DACH1: variants seen among roughly 807,000 people sequenced by gnomAD.
DACH1 encodes the protein dachshund family transcription factor 1.
A neutral mutation model predicts 54.2 loss-of-function variants in DACH1; 12 were observed. The observed-to-expected ratio is 0.22, with a 90% CI of 0.14 to 0.36. The LOEUF (loss-of-function observed/expected upper bound fraction) is 0.36. Ranked by LOEUF, DACH1 falls within the 10% of genes least tolerant of loss-of-function variation. The probability of loss-of-function intolerance (pLI) is 1.00; values close to 1 mark genes in which losing one functional copy is unlikely to be tolerated. For synonymous variants in DACH1, 386 were observed against 366.2 expected (o/e 1.05, Z -0.62); for missense variants, 805 against 929.8 (o/e 0.87, Z 1.75).
At chr13:71,712,721 T>TC (rs1270775436) in intron 1 of DACH1, among the ~76,000 whole-genome samples, 1 of 152,006 alleles carries the variant, frequency 6.6e-6, no homozygotes, top group South Asian at 2.1e-4. Flanking sequence ...AGTTTACATT[T>TC]CCCCCCTTAA....
intron 3 of DACH1, among the ~76,000 whole-genome samples, chr13:71,589,956 A>G (rs1321639784): frequency 6.6e-6 from 1 of 152,062 alleles, no homozygotes; most frequent in Non-Finnish European, 1.5e-5. Flanking sequence ...TAATATGTAC[A>G]TTTTAAACTA....
intron 6 of DACH1, among the ~76,000 whole-genome samples, chr13:71,533,616 CT>C (rs1252252650): frequency 2.6e-5 from 4 of 151,948 alleles, no homozygotes; most frequent in Non-Finnish European, 5.9e-5. Flanking sequence ...TATAAAACAG[CT>C]TGATATTTTC....
chr13:71,525,357 A>G (rs1415119862), intron 6 of DACH1, among the ~76,000 whole-genome samples: 2 of 152,160 alleles, frequency 1.3e-5, no homozygotes, highest in African/African-American at 4.8e-5. Flanking sequence ...TCTTTTTTAA[A>G]AAAATCCCAC....
chr13:71,508,660 T>C (rs2138251436), intron 6 of DACH1, among the ~76,000 whole-genome samples: 2 of 151,952 alleles, frequency 1.3e-5, no homozygotes, highest in South Asian at 4.2e-4. Flanking sequence ...AGAGACAAGG[T>C]CTCACTATGT....
intron 1 of DACH1, among the ~76,000 whole-genome samples, chr13:71,702,723 C>T (rs1302217061): frequency 3.9e-5 from 6 of 152,074 alleles, no homozygotes; most frequent in Admixed American, 6.6e-5. Flanking sequence ...GCTGCCAAAT[C>T]GAGAGTTAAT....
intron 1 of DACH1, among the ~76,000 whole-genome samples, chr13:71,838,693 T>G (rs1331964358): frequency 6.6e-6 from 1 of 152,188 alleles, no homozygotes; most frequent in African/African-American, 2.4e-5. Flanking sequence ...TCATGACCTC[T>G]CACTTTCTCA....
At chr13:71,820,377 A>T (rs1233382154) in intron 1 of DACH1, among the ~76,000 whole-genome samples, 1 of 152,042 alleles carries the variant, frequency 6.6e-6, no homozygotes, top group Non-Finnish European at 1.5e-5. Context: ...AACCAAGGAG[A>T]TGTGATTGCT....
chr13:71,850,108 G>C (rs1873560937), intron 1 of DACH1, among the ~76,000 whole-genome samples: 1 of 152,120 alleles, frequency 6.6e-6, no homozygotes, highest in Non-Finnish European at 1.5e-5. Flanking sequence ...TAATATGTTG[G>C]GGAAGGATCT....
chr13:71,489,632 A>T (rs1878820370), intron 6 of DACH1, among the ~76,000 whole-genome samples: 2 of 152,150 alleles, frequency 1.3e-5, no homozygotes, highest in Non-Finnish European at 2.9e-5. Flanking sequence ...TTTACAAAAG[A>T]ATGTAAAGTT....
chr13:71,865,837 G>C (rs1256956262), intron 1 of DACH1, 85 bp downstream of exon 1: 1 of 1,351,602 alleles, frequency 7.4e-7, no homozygotes, highest in Non-Finnish European at 9.5e-7. Flanking sequence ...CGCGCAGAGC[G>C]AGCGGCGCCG....
intron 1 of DACH1, among the ~76,000 whole-genome samples, chr13:71,814,081 T>A (rs1887821486): frequency 6.6e-6 from 1 of 152,212 alleles, no homozygotes. Context: ...ACTGGCCTTA[T>A]CTGTTGGCAG....
intron 1 of DACH1, among the ~76,000 whole-genome samples, chr13:71,800,161 A>C (rs1003086234): frequency 6.6e-6 from 1 of 152,070 alleles, no homozygotes; most frequent in Non-Finnish European, 1.5e-5. Context: ...GTTGGACAAG[A>C]CTATCTCTAA....
Position 71,866,735 on chromosome 13 carries a change from TG to T in DACH1, c.34del (p.Gln12SerfsTer182). 1 of 1,432,664 alleles carries T rather than the reference TG, an allele frequency of 7.0e-7. No homozygotes were observed. The highest frequency in any genetic ancestry group is 9.2e-7 in the Non-Finnish European group (1 of 1,084,184). The allele number at this position is 1,432,664 out of a possible 1,614,324, so 88.7% of individuals were successfully genotyped here. A position where few individuals can be genotyped will look rare whatever the true frequency, so the allele number is the denominator to read the frequency against. On this transcript the variant is annotated frameshift_variant, in exon 1 of 11. Coordinates refer to ENST00000613252, the MANE Select transcript of DACH1 (RefSeq NM_080759.6). LOFTEE classifies it high-confidence loss of function. ...AVPAALIPPT[Q>X]LVPPQPPIST... is the part of the protein sequence containing the mutation. ...GATTGGGGGTTGAGGGGGGACCAGC[TG>T]GGTCGGAGGGATCAAAGCCGCCGGC...
chr13:71,504,171 A>AT (rs1201598351), intron 6 of DACH1, among the ~76,000 whole-genome samples: 1 of 152,192 alleles, frequency 6.6e-6, no homozygotes, highest in Non-Finnish European at 1.5e-5. Context: ...TAGCTTTTCA[A>AT]TGTGCTCTAT....
intron 3 of DACH1, among the ~76,000 whole-genome samples, chr13:71,602,184 A>G (rs920066586): frequency 8.6e-5 from 13 of 152,026 alleles, no homozygotes; most frequent in African/African-American, 3.1e-4. Flanking sequence ...AATTTCCTGT[A>G]TATTTTCAAC....
intron 1 of DACH1, among the ~76,000 whole-genome samples, chr13:71,709,217 T>C (rs1882597189): frequency 6.6e-6 from 1 of 152,134 alleles, no homozygotes; most frequent in South Asian, 2.1e-4. Flanking sequence ...TTTTTTAAAA[T>C]ATCAATTCAT....
At chr13:71,640,715 A>G (rs1877832390) in intron 2 of DACH1, among the ~76,000 whole-genome samples, 1 of 152,100 alleles carries the variant, frequency 6.6e-6, no homozygotes, top group Non-Finnish European at 1.5e-5. Context: ...GACTCCACGC[A>G]GGTAGCTCTA....
intron 1 of DACH1, among the ~76,000 whole-genome samples, chr13:71,817,330 G>A (rs1887998688): frequency 2.0e-5 from 3 of 152,138 alleles, no homozygotes; most frequent in Non-Finnish European, 1.5e-5. Context: ...GTAGAGTGCT[G>A]TTACAAGTAC....
intron 1 of DACH1, among the ~76,000 whole-genome samples, chr13:71,742,166 G>T (rs558407683): frequency 6.6e-6 from 1 of 151,784 alleles, no homozygotes; most frequent in Admixed American, 6.6e-5. Flanking sequence ...AGTACCTTTC[G>T]CCTCCTGCCA....
Sources: allele counts gnomAD v4.1 joint callset (sites outside exome capture counted in the v4.1 genomes callset), GRCh38; gene constraint gnomAD v4.1.1; transcripts MANE v1.5; gene names NCBI Gene and HGNC (gene_info 2026-07-23, HGNC 2026-07-21).